The following RIMS1 variants were observed in gnomAD, a reference collection of about 807,000 sequenced individuals.
The protein encoded by RIMS1 is regulating synaptic membrane exocytosis protein 1.
RIMS1 carries 83 observed loss-of-function variants against 214.1 expected under a neutral mutation model. The ratio of observed to expected loss-of-function variants is 0.39; its 90% CI spans 0.32 to 0.47. The LOEUF is 0.47. Ranked by LOEUF, RIMS1 falls within the 20% of genes least tolerant of loss-of-function variation. The pLI, the probability that RIMS1 is intolerant of heterozygous loss-of-function variation, is 0.99. For missense variants in RIMS1, 2,050 were observed against 2,161.8 expected, an observed-to-expected ratio of 0.95 and a Z score of 1.03; for synonymous variants, 793 against 786.8, an observed-to-expected ratio of 1.01 and a Z score of -0.13.
intron 2 of RIMS1, among the ~76,000 whole-genome samples, chr6:72,031,146 G>C (rs187785413): frequency 1.9e-4 from 29 of 152,168 alleles, no homozygotes; most frequent in African/African-American, 6.5e-4. Context: ...ACTCCCATGT[G>C]ACCAAAGATT....
intron 29 of RIMS1, among the ~76,000 whole-genome samples, chr6:72,352,935 G>C (rs2097507001): frequency 6.6e-6 from 1 of 150,556 alleles, no homozygotes; most frequent in Non-Finnish European, 1.5e-5. Flanking sequence ...ACTTGAAAAG[G>C]CTTTCATTAT....
In RIMS1 at chr6:72,340,461, A is replaced by G. The variant is rs1010406474; in HGVS notation, c.4366+6626A>G. 2.6e-5 allele frequency among the ~76,000 whole-genome samples: 4 copies of G among 152,256 alleles called. No homozygotes were observed. In the East Asian group the frequency reaches 7.7e-4, roughly 29 times the overall value. The stretch of plus-strand genomic sequence containing the variant: ...TAATCCATCTTGAATTAATTTTTAT[A>G]TAAGGTATAAGGAAGGGATCCAGTT... On this transcript the variant is annotated intron_variant, in intron 29 of 33. Transcript: ENST00000521978.
intron 6 of RIMS1, among the ~76,000 whole-genome samples, chr6:72,194,540 AAAAT>A (rs2050571631): frequency 6.6e-6 from 1 of 152,176 alleles, no homozygotes; most frequent in Non-Finnish European, 1.5e-5. Context: ...TCTATTGAGA[AAAAT>A]AAACAATAAG....
chr6:72,289,125 T>G (rs770398647), intron 24 of RIMS1, among the ~76,000 whole-genome samples: 7 of 152,214 alleles, frequency 4.6e-5, no homozygotes, highest in Non-Finnish European at 1.0e-4. Flanking sequence ...TTTCTTTTAG[T>G]GCTTGTGAAT....
At chr6:72,316,783 G>A (rs1287361859) in intron 28 of RIMS1, 5 of 715,714 alleles carry the variant, frequency 7.0e-6, no homozygotes, top group Admixed American at 1.8e-5. Context: ...CCAGTTGACG[G>A]TAGACACTGG....
chr6:72,362,851 A>G (rs995658619), intron 29 of RIMS1, among the ~76,000 whole-genome samples: 3 of 152,204 alleles, frequency 2.0e-5, no homozygotes, highest in Admixed American at 6.5e-5. Flanking sequence ...ATTTGGGACC[A>G]GAAGACCTTG....
intron 15 of RIMS1, among the ~76,000 whole-genome samples, chr6:72,252,250 C>T (rs919385206): frequency 1.3e-5 from 2 of 152,040 alleles, no homozygotes; most frequent in African/African-American, 4.8e-5. Flanking sequence ...CTTCCCTGAT[C>T]AGTAATTTCC....
At chr6:71,943,022 GTATTTTAAA>G (rs1786658417) in intron 1 of RIMS1, among the ~76,000 whole-genome samples, 1 of 152,034 alleles carries the variant, frequency 6.6e-6, no homozygotes, top group Non-Finnish European at 1.5e-5. Context: ...ATTATAACTT[GTATTTTAAA>G]GAGTCAAGAT....
intron 1 of RIMS1, among the ~76,000 whole-genome samples, chr6:71,915,721 A>G (rs1428058854): frequency 2.0e-5 from 3 of 152,176 alleles, no homozygotes; most frequent in East Asian, 3.8e-4. Flanking sequence ...AGTGACAGAC[A>G]CATAGTGAGT....
chr6:72,158,516 G>C (rs1396362373), intron 4 of RIMS1, among the ~76,000 whole-genome samples: 1 of 137,350 alleles, frequency 7.3e-6, no homozygotes, highest in Admixed American at 7.5e-5. Flanking sequence ...CCATTAACTC[G>C]TCATTTAACA....
chr6:72,021,280 A>G (rs1477582105), intron 2 of RIMS1, among the ~76,000 whole-genome samples: 1 of 152,216 alleles, frequency 6.6e-6, no homozygotes, highest in Non-Finnish European at 1.5e-5. Flanking sequence ...TTTGTACTGA[A>G]ATAAATTGTT....
intron 2 of RIMS1, among the ~76,000 whole-genome samples, chr6:72,070,095 A>G (rs1830242008): frequency 6.6e-6 from 1 of 152,178 alleles, no homozygotes; most frequent in South Asian, 2.1e-4. Flanking sequence ...AATGTATTTA[A>G]TTAACATACT....
chr6:71,939,761 G>C (rs773230999), intron 1 of RIMS1, among the ~76,000 whole-genome samples: 3 of 152,126 alleles, frequency 2.0e-5, no homozygotes, highest in Non-Finnish European at 4.4e-5. Context: ...ACCGCTTAAA[G>C]TTTCCACCTC....
intron 6 of RIMS1, among the ~76,000 whole-genome samples, chr6:72,209,900 CAAAAAAAAAAAAAAA>C (rs200401100): frequency 1.1e-4 from 13 of 115,880 alleles, no homozygotes; most frequent in African/African-American, 1.4e-4. Context: ...GACTCTGTCT[CAAAAAAAAAAAAAAA>C]AAAAAAAAAG....
chr6:72,011,759 G>T (rs556046357), intron 2 of RIMS1, among the ~76,000 whole-genome samples: 2 of 152,314 alleles, frequency 1.3e-5, no homozygotes, highest in South Asian at 2.1e-4. Context: ...TCAGAGAAAT[G>T]CAAATCAAAA....
chr6:72,310,428 A>G (rs2746202), intron 27 of RIMS1, among the ~76,000 whole-genome samples: 1 of 151,954 alleles, frequency 6.6e-6, no homozygotes, highest in African/African-American at 2.4e-5. Context: ...TGGTATACAG[A>G]GTGGCATACC....
At position 72,307,323 on chromosome 6, in the gene RIMS1, A is replaced by G. The variant is rs1327252678; in HGVS notation, c.3916A>G (p.Thr1306Ala). ...KMKVHRFKQTTGSGSSQELDR... is the reference protein window; with the variant it reads ...KMKVHRFKQTAGSGSSQELDR... ...GAAAGTGCATCGATTTAAGCAGACA[A>G]CAGGGTCTGGTTCTAGTCAAGAACT... The change falls in exon 27 of 34, where the codon ACA (threonine) becomes GCA (alanine). Residue 1306 changes from threonine to alanine, a missense_variant. By Grantham distance (58) the Thr-to-Ala change is moderately conservative. Around this residue, in one of 6 missense-constraint regions of RIMS1, gnomAD observed 889 missense variants for 885.5 expected, o/e 1.00. Transcript: ENST00000521978. 6.2e-7 allele frequency: 1 copy of G among 1,606,274 alleles called. No homozygotes were observed. The highest frequency in any genetic ancestry group is 8.5e-7 in the Non-Finnish European group (1 of 1,176,304).
chr6:72,304,112 T>C (rs746714983), intron 26 of RIMS1, among the ~76,000 whole-genome samples: 3 of 151,600 alleles, frequency 2.0e-5, no homozygotes, highest in Non-Finnish European at 4.4e-5. Context: ...TTTTTAAAAA[T>C]AAAAACCACA....
chr6:72,123,660 A>G (rs1474491393), intron 4 of RIMS1, among the ~76,000 whole-genome samples: 1 of 151,822 alleles, frequency 6.6e-6, no homozygotes, highest in Non-Finnish European at 1.5e-5. Flanking sequence ...GTGCTCCTGT[A>G]TTGGGTGCAT....
Sources: gnomAD v4.1 joint callset for allele counts (sites outside exome capture counted in the v4.1 genomes callset) on GRCh38, gnomAD v4.1.1 for gene constraint, gnomAD v4.1.1 regional missense constraint, MANE v1.5 for transcripts, NCBI Gene and HGNC (gene_info 2026-07-23, HGNC 2026-07-21) for gene names.